TRMT2B: variants seen among roughly 807,000 people sequenced by gnomAD.
TRMT2B encodes tRNA methyltransferase 2B.
TRMT2B carries 34 observed loss-of-function variants against 39.7 expected under a neutral mutation model. The ratio of observed to expected loss-of-function variants is 0.86; its 90% CI spans 0.65 to 1.14. The LOEUF (loss-of-function observed/expected upper bound fraction) is 1.14, where lower values mean the gene tolerates loss of function less well. Ranked by LOEUF, TRMT2B falls within the 50% of genes most tolerant of loss-of-function variation. The probability of loss-of-function intolerance (pLI) is 0.00; values close to 1 mark genes in which losing one functional copy is unlikely to be tolerated. For missense variants in TRMT2B, 318 were observed against 377.2 expected, an observed-to-expected ratio of 0.84 and a Z score of 1.30; for synonymous variants, 132 against 137.3, an observed-to-expected ratio of 0.96 and a Z score of 0.27.
chrX:100,973,609 C>A, the TRMT2B span: 1 of 1,050,061 alleles, frequency 9.5e-7, no homozygotes, highest in Non-Finnish European at 1.3e-6. Flanking sequence ...TAGTCATAAG[C>A]TGACTAAAGG....
At position 101,019,378 on chromosome X, in the gene TRMT2B, A is replaced by G. The variant is rs767974884; in HGVS notation, c.1194T>C (p.Thr398=). The change falls in exon 12 of 14, where the codon ACT becomes ACC. Residue 398 remains threonine (T), a synonymous_variant. Transcript: ENST00000372936. The part of the protein sequence containing the change: ...FNGITNSEFH[T]GQAEKILPGL... ...CTGGCAAAATCTTCTCTGCTTGACC[A>G]GTATGAAATTCAGAGTTGGTGATGC... is the stretch of plus-strand genomic sequence containing the variant. 9.1e-6 allele frequency: 11 copies of G among 1,208,952 alleles called. No homozygotes were observed. Among genetic ancestry groups the G allele is most frequent in the Non-Finnish European group, 1.0e-5 (9 of 895,156 alleles).
chrX:101,003,903 T>A, the TRMT2B span, among the ~76,000 whole-genome samples: 1 of 111,592 alleles, frequency 9.0e-6, no homozygotes, highest in African/African-American at 3.3e-5. Context: ...CCATCATGGC[T>A]CACTGCAGCC....
At chrX:101,023,997 A>G (rs922885566) in intron 7 of TRMT2B, among the ~76,000 whole-genome samples, 2 of 110,971 alleles carry the variant, frequency 1.8e-5, no homozygotes, top group Non-Finnish European at 3.8e-5. Context: ...ACAGATGCCC[A>G]CCACCAAGCC....
At chrX:101,048,670 C>T (rs2088854148) in intron 2 of TRMT2B, among the ~76,000 whole-genome samples, 1 of 112,137 alleles carries the variant, frequency 8.9e-6, no homozygotes, top group South Asian at 3.6e-4. Flanking sequence ...GAACTCCTGA[C>T]CTCAAGTGAT....
chrX:101,010,709 T>C lies in TRMT2B; in HGVS notation c.1389-2A>G. The C allele has an allele frequency of 8.3e-7, 1 of 1,207,917 alleles. No individual in the cohort carries two copies. Reference sequence around the variant, plus strand: ...GCAGGGTCTGGAGGACAGCACAGCCTGTAGAAACAGAACATAGCATCAGTT... The same window carrying C: ...GCAGGGTCTGGAGGACAGCACAGCCCGTAGAAACAGAACATAGCATCAGTT... On this transcript the variant is annotated splice_acceptor_variant, in intron 13 of 13. Transcript: ENST00000372936. LOFTEE classifies it high-confidence loss of function.
chrX:100,990,454 G>A, the TRMT2B span: 1 of 986,025 alleles, frequency 1.0e-6, no homozygotes, highest in Non-Finnish European at 1.3e-6. Flanking sequence ...GGACTACCCG[G>A]TTTTTAAATT....
chrX:100,987,655 G>A, the TRMT2B span: 1 of 974,287 alleles, frequency 1.0e-6, no homozygotes, highest in Non-Finnish European at 1.4e-6. Flanking sequence ...GATCCTGGGT[G>A]GCATTGAGCA....
intron 13 of TRMT2B, among the ~76,000 whole-genome samples, chrX:101,016,072 AAAAAC>A (rs1214851790): frequency 8.9e-6 from 1 of 111,869 alleles, no homozygotes; most frequent in Non-Finnish European, 1.9e-5. Context: ...TCAGTCTCAA[AAAAAC>A]AAAACAAAAC....
intron 2 of TRMT2B, among the ~76,000 whole-genome samples, chrX:101,044,451 G>A (rs1297116935): frequency 9.1e-6 from 1 of 109,597 alleles, no homozygotes; most frequent in Non-Finnish European, 1.9e-5. Flanking sequence ...GGCCAAGCAC[G>A]GTGGCTCATG....
intron 2 of TRMT2B, among the ~76,000 whole-genome samples, chrX:101,049,783 C>A (rs1268519497): frequency 6.0e-5 from 5 of 82,915 alleles, no homozygotes; most frequent in Admixed American, 2.7e-4. Flanking sequence ...GACTCCTTCT[C>A]AAAAAAAAAA....
At chrX:101,044,981 G>A in intron 2 of TRMT2B, among the ~76,000 whole-genome samples, 1 of 104,750 alleles carries the variant, frequency 9.5e-6, no homozygotes, top group Non-Finnish European at 1.9e-5. Flanking sequence ...AATGAGCCGA[G>A]ACCGTGCCAT....
chrX:101,022,186 A>C, intron 8 of TRMT2B, 124 bp from the exon 9 acceptor site: 1 of 482,154 alleles, frequency 2.1e-6, no homozygotes, highest in Non-Finnish European at 3.7e-6. Flanking sequence ...TCTTATTATA[A>C]ATAACACTTA....
chrX:101,027,346 C>T (rs909804735), intron 7 of TRMT2B, among the ~76,000 whole-genome samples: 2 of 110,362 alleles, frequency 1.8e-5, no homozygotes, highest in Non-Finnish European at 3.8e-5. Context: ...ATTCTAATGC[C>T]TCAGCCTTCT....
At chrX:101,019,952 A>G (rs1201236279) in intron 11 of TRMT2B, among the ~76,000 whole-genome samples, 3 of 110,692 alleles carry the variant, frequency 2.7e-5, no homozygotes, top group African/African-American at 6.6e-5. Context: ...CACAACTCAC[A>G]TAGCATGCAA....
chrX:100,975,211 C>T, the TRMT2B span, among the ~76,000 whole-genome samples: 1 of 112,039 alleles, frequency 8.9e-6, no homozygotes. Flanking sequence ...ATGCTCTCTG[C>T]ACATGCCCTC....
chrX:101,000,519 C>G, the TRMT2B span, among the ~76,000 whole-genome samples: 1 of 110,772 alleles, frequency 9.0e-6, no homozygotes, highest in African/African-American at 3.3e-5. Flanking sequence ...ACCACACCCC[C>G]CAAAATAATG....
At chrX:101,002,526 T>C in the TRMT2B span, among the ~76,000 whole-genome samples, 1 of 111,611 alleles carries the variant, frequency 9.0e-6, no homozygotes, top group African/African-American at 3.3e-5. Flanking sequence ...ACGCCTGTAA[T>C]CCCAGCACTT....
chrX:101,010,750 A>T, intron 13 of TRMT2B, 43 bp from the exon 14 acceptor site: 1 of 1,183,988 alleles, frequency 8.4e-7, no homozygotes, highest in Non-Finnish European at 1.1e-6. Context: ...GAATAAAAGG[A>T]AGAACCCACA....
the TRMT2B span, chrX:100,986,686 A>C: frequency 8.7e-6 from 4 of 457,336 alleles, no homozygotes; most frequent in Non-Finnish European, 1.5e-5. Context: ...GATATGTAGC[A>C]GTTATAGTAG....
Sources: gnomAD v4.1 joint callset for allele counts (sites outside exome capture counted in the v4.1 genomes callset) on GRCh38, gnomAD v4.1.1 for gene constraint, MANE v1.5 for transcripts, NCBI Gene and HGNC (gene_info 2026-07-23, HGNC 2026-07-21) for gene names.